Variants in DUSP4 observed in about 807,000 individuals in gnomAD.
DUSP4 encodes the protein dual specificity protein phosphatase 4.
DUSP4 carries 12 observed loss-of-function variants against 27.2 expected under a neutral mutation model. The observed-to-expected ratio is 0.44, with a 90% CI of 0.28 to 0.71. The LOEUF is 0.71. Among genes scored for constraint, DUSP4 ranks in the 30% least tolerant of loss-of-function variants. The pLI, the probability that DUSP4 is intolerant of heterozygous loss-of-function variation, is 0.14. For missense variants in DUSP4, 448 were observed against 551.3 expected (o/e 0.81, Z 1.88); for synonymous variants, 257 against 245.2 (o/e 1.05, Z -0.45).
At chr8:29,349,699 C>T (rs1817792163) in intron 1 of DUSP4, 147 bp downstream of exon 1, 8 of 1,194,682 alleles carry the variant, frequency 6.7e-6, no homozygotes, top group Admixed American at 3.1e-5. Context: ...TTGCAAACCC[C>T]TACACACCAA....
chr8:29,348,868 A>G lies in DUSP4; in HGVS notation c.433+978T>C, dbSNP rs1273692228. On this transcript the variant is annotated intron_variant, in intron 1 of 3. Transcript: ENST00000240100. ...AGAATGCGCGGAATGCGGCGGCGGGAGGCGGAGGCGCAGCGCGGCGGGGGG... is the reference window on the plus strand; with the variant it reads ...AGAATGCGCGGAATGCGGCGGCGGGGGGCGGAGGCGCAGCGCGGCGGGGGG... 3 of 893,052 alleles carry G rather than the reference A, an allele frequency of 3.4e-6. No homozygotes were observed. The East Asian group carries it at 3.6e-4, about 107-fold the overall frequency. 55.3% of individuals were successfully genotyped at this position (893,052 alleles called of 1,614,324 possible).
In DUSP4 at chr8:29,350,349, A is replaced by AG; in HGVS notation, c.-72dup. 6.7e-7 allele frequency: 1 copy of AG among 1,491,190 alleles called. No homozygotes were observed. The highest frequency in any genetic ancestry group is 1.4e-5 in the South Asian group (1 of 73,602). The allele number at this position is 1,491,190 out of a possible 1,614,324, so 92.4% of individuals were successfully genotyped here. A position where few individuals can be genotyped will look rare whatever the true frequency, so the allele number is the denominator to read the frequency against. Reference sequence around the variant, plus strand: ...AACCCGGGCCGCCTAGGCTGCAGAAAGGGGCGGGCGAGAGCTAAGAAGGGA... The same window carrying AG: ...AACCCGGGCCGCCTAGGCTGCAGAAAGGGGGCGGGCGAGAGCTAAGAAGGGA... On this transcript the variant is annotated 5_prime_UTR_variant, in exon 1 of 4. Transcript: ENST00000240100.
At chr8:29,348,771 C>A (rs910579389) in intron 1 of DUSP4, 3 of 985,316 alleles carry the variant, frequency 3.0e-6, no homozygotes, top group Non-Finnish European at 3.6e-6. Flanking sequence ...GGGGGAGGAG[C>A]GGCTCTTTGA....
chr8:29,341,513 T>C (rs1030678036), intron 1 of DUSP4, among the ~76,000 whole-genome samples: 1 of 152,250 alleles, frequency 6.6e-6, no homozygotes, highest in African/African-American at 2.4e-5. Flanking sequence ...GAGGCTTCTC[T>C]ATTCCCCTCC....
intron 1 of DUSP4, chr8:29,348,871 C>A: frequency 6.8e-6 from 6 of 887,492 alleles, no homozygotes; most frequent in Non-Finnish European, 8.1e-6. Flanking sequence ...CGGCGGGAGG[C>A]GGAGGCGCAG....
intron 1 of DUSP4, chr8:29,345,350 C>T: frequency 6.2e-7 from 1 of 1,613,486 alleles, no homozygotes; most frequent in Non-Finnish European, 8.5e-7. Flanking sequence ...ATTTAAAATC[C>T]AACTAAGTGA....
At chr8:29,340,071 C>T in intron 2 of DUSP4, 27 bp downstream of exon 2, 1 of 1,551,294 alleles carries the variant, frequency 6.4e-7, no homozygotes, top group Non-Finnish European at 8.7e-7. Context: ...CTGCCCCCCA[C>T]TTCCAAGCCC....
intron 1 of DUSP4, chr8:29,348,434 G>A (rs974583845): frequency 7.1e-6 from 7 of 985,038 alleles, no homozygotes; most frequent in Non-Finnish European, 3.6e-6. Flanking sequence ...AAGGGAGGGG[G>A]ACTGGGCTCA....
At position 29,334,451 on chromosome 8, in the gene DUSP4, T is replaced by C. The variant is rs1412128116; in HGVS notation, c.*2575A>G. The C allele has an allele frequency of 1.3e-5, 2 of 152,238 alleles. No individual in the cohort carries two copies. The highest frequency in any genetic ancestry group is 2.4e-5 in the African/African-American group (1 of 41,448). The allele number at this position is 152,238 out of a possible 1,614,324, so 9.4% of individuals were successfully genotyped here. A position where few individuals can be genotyped will look rare whatever the true frequency, so the allele number is the denominator to read the frequency against. ...TTTTGGGACTCGTGCTGTTATCAAG[T>C]ACAATGAAAATGGCTTTATAAATAG... On this transcript the variant is annotated 3_prime_UTR_variant, in exon 4 of 4. Coordinates refer to ENST00000240100, the MANE Select transcript of DUSP4 (RefSeq NM_001394.7).
At chr8:29,338,594 T>G in intron 2 of DUSP4, 93 bp from the exon 3 acceptor site, 2 of 1,405,276 alleles carry the variant, frequency 1.4e-6, no homozygotes, top group Non-Finnish European at 1.9e-6. Flanking sequence ...AGCTTTCCTT[T>G]CCAAACCCAG....
At chr8:29,345,281 G>T in intron 1 of DUSP4, 2 of 1,498,232 alleles carry the variant, frequency 1.3e-6, no homozygotes, top group South Asian at 2.4e-5. Context: ...ATTTGCCTTT[G>T]GGAACTCTAC....
Position 29,348,795 on chromosome 8 carries a change from G to C in DUSP4, c.433+1051C>G, listed in dbSNP as rs532100757. The C allele has an allele frequency of 1.3e-5, 13 of 984,090 alleles. No individual in the cohort carries two copies. The East Asian group carries it at 1.3e-3, about 95-fold the overall frequency. The allele number at this position is 984,090 out of a possible 1,614,324, so 61.0% of individuals were successfully genotyped here. On this transcript the variant is annotated intron_variant, in intron 1 of 3. Transcript: ENST00000240100. ...GCGGCTCTTTGATGGGTGTGGGGGG[G>C]TCTGAACTGCCTACCGGGCTCGGAA...
chr8:29,341,380 G>C (rs1817653876), intron 1 of DUSP4, among the ~76,000 whole-genome samples: 1 of 152,230 alleles, frequency 6.6e-6, no homozygotes, highest in South Asian at 2.1e-4. Flanking sequence ...ATGTGACGGT[G>C]AGTCAGTCAC....
rs145258672 is a variant in DUSP4, at chr8:29,337,518, C to T, written c.800-107G>A. The T allele has an allele frequency of 2.3e-3, 3,355 of 1,441,044 alleles. 59 individuals carry two copies. The African/African-American group carries it at 0.043, about 19-fold the overall frequency. 89.3% of individuals were successfully genotyped at this position (1,441,044 alleles called of 1,614,324 possible). On this transcript the variant is annotated intron_variant, in intron 3 of 3. Transcript: ENST00000240100. This position sits in a 1 kb window ranked among gnomAD's most constrained non-coding sequence, Gnocchi z 6.4. ...GGGGGGCTCTGAAGGAAGGACTAGC[C>T]GTGCTAGACCAAGGACTGGAGAGGA...
rs1563859751 is a variant in DUSP4 at position 29,337,498 on chromosome 8, G to A, written c.800-87C>T. On this transcript the variant is annotated intron_variant, in intron 3 of 3. Transcript: ENST00000240100. The surrounding 1 kb of genome is among the most constrained non-coding windows in gnomAD (Gnocchi z 6.4). ...ACCGGCCAGCCCCTGGGGTCGGGGG[G>A]CTCTGAAGGAAGGACTAGCCGTGCT... 2 of 1,499,468 alleles carry A rather than the reference G, an allele frequency of 1.3e-6. No homozygotes were observed. The highest frequency in any genetic ancestry group is 2.3e-5 in the East Asian group (1 of 44,040). The allele number at this position is 1,499,468 out of a possible 1,614,324, so 92.9% of individuals were successfully genotyped here. A position where few individuals can be genotyped will look rare whatever the true frequency, so the allele number is the denominator to read the frequency against.
At chr8:29,338,252 C>T in intron 3 of DUSP4, 30 bp downstream of exon 3, 1 of 1,373,272 alleles carries the variant, frequency 7.3e-7, no homozygotes, top group South Asian at 1.2e-5. Context: ...CGCCCTCAAA[C>T]CCAGGAACCC....
In DUSP4 at chr8:29,338,443, C is replaced by T. The variant is rs552369216; in HGVS notation, c.638G>A (p.Arg213Gln). The change falls in exon 3 of 4, where the codon CGG becomes CAG. Residue 213 changes from arginine to glutamine, a missense_variant. By Grantham distance (43) the Arg-to-Gln change is conservative (BLOSUM62 1). Coordinates refer to ENST00000240100, the MANE Select transcript of DUSP4 (RefSeq NM_001394.7). ...LYLGSAYHAA[R>Q]RDMLDALGIT... Reference sequence around the variant, plus strand: ...GCCCAGGGCGTCCAGCATGTCTCTCCGGGCAGCATGGTAGGCACTGCCGAG... The same window carrying T: ...GCCCAGGGCGTCCAGCATGTCTCTCTGGGCAGCATGGTAGGCACTGCCGAG... 13 of 1,613,980 alleles carry T rather than the reference C, an allele frequency of 8.1e-6. No homozygotes were observed. The highest frequency in any genetic ancestry group is 4.5e-5 in the East Asian group (2 of 44,896).
intron 1 of DUSP4, among the ~76,000 whole-genome samples, chr8:29,347,294 G>A (rs1047223722): frequency 6.6e-6 from 1 of 152,132 alleles, no homozygotes; most frequent in Non-Finnish European, 1.5e-5. Flanking sequence ...GCCCCTTCCC[G>A]CAGAGCTGTG....
Position 29,340,167 on chromosome 8 carries a change from CG to C in DUSP4, c.509del (p.Pro170ArgfsTer57). ...AGGGCTCTGTGGCACTGGGGGGAAC[CG>C]GGGGTGGGATGGCTGCCAGGGCCTT... ...KTKALAAIPPPVPPSATEPLD... is the reference protein window; with the variant it reads ...KTKALAAIPPXVPPSATEPLD... On this transcript the variant is annotated frameshift_variant, in exon 2 of 4. Coordinates refer to ENST00000240100, the MANE Select transcript of DUSP4 (RefSeq NM_001394.7). LOFTEE classifies it high-confidence loss of function. The C allele has an allele frequency of 6.2e-7, 1 of 1,611,618 alleles. No individual in the cohort carries two copies. Among genetic ancestry groups the C allele is most frequent in the Non-Finnish European group, 8.5e-7 (1 of 1,178,984 alleles).
Sources: allele counts gnomAD v4.1 joint callset (sites outside exome capture counted in the v4.1 genomes callset), GRCh38; gene constraint gnomAD v4.1.1; non-coding constraint Gnocchi (gnomAD v3.1); transcripts MANE v1.5; gene names NCBI Gene and HGNC (gene_info 2026-07-23, HGNC 2026-07-21).